The following CADPS2 variants were observed in gnomAD, a reference collection of about 807,000 sequenced individuals.
CADPS2 encodes calcium dependent secretion activator 2.
CADPS2 carries 93 observed loss-of-function variants against 172.5 expected under a neutral mutation model. That is an observed-to-expected ratio of 0.54 (90% confidence interval 0.46 to 0.64). CADPS2 has a LOEUF of 0.64. Ranked by LOEUF, CADPS2 falls within the 30% of genes least tolerant of loss-of-function variation. The probability of loss-of-function intolerance (pLI) is 0.00; values close to 1 mark genes in which losing one functional copy is unlikely to be tolerated. For missense variants in CADPS2, 1,420 were observed against 1,565.9 expected, an observed-to-expected ratio of 0.91 and a Z score of 1.57; for synonymous variants, 546 against 555.2, an observed-to-expected ratio of 0.98 and a Z score of 0.23.
chr7:122,815,464 T>C (rs192306690), intron 1 of CADPS2, among the ~76,000 whole-genome samples: 38 of 152,018 alleles, frequency 2.5e-4, no homozygotes, highest in African/African-American at 7.7e-4. Flanking sequence ...TAACAAAAGA[T>C]CAAAACATTA....
At chr7:122,641,355 T>C (rs1455610743) in intron 3 of CADPS2, among the ~76,000 whole-genome samples, 1 of 152,226 alleles carries the variant, frequency 6.6e-6, no homozygotes, top group Non-Finnish European at 1.5e-5. Context: ...TCCTGTTCAT[T>C]ACACAGGGAT....
At chr7:122,330,695 A>G (rs1378421876) in intron 28 of CADPS2, 2 of 152,244 alleles carry the variant, frequency 1.3e-5, no homozygotes, top group African/African-American at 4.8e-5. Context: ...AACCCAACCT[A>G]TGCCAATCAA....
At chr7:122,558,944 T>C (rs2065370338) in intron 7 of CADPS2, among the ~76,000 whole-genome samples, 1 of 151,992 alleles carries the variant, frequency 6.6e-6, no homozygotes, top group African/African-American at 2.4e-5. Flanking sequence ...GGAGACAAGC[T>C]AGAAAAACAG....
At chr7:122,685,319 C>T (rs1019014774) in intron 2 of CADPS2, among the ~76,000 whole-genome samples, 7 of 152,192 alleles carry the variant, frequency 4.6e-5, no homozygotes, top group African/African-American at 1.7e-4. Context: ...TGGCAATGCT[C>T]TCCCTGTAGC....
At chr7:122,766,504 C>CA (rs2093555622) in intron 1 of CADPS2, among the ~76,000 whole-genome samples, 1 of 152,074 alleles carries the variant, frequency 6.6e-6, no homozygotes, top group Admixed American at 6.6e-5. Context: ...ACCTGTTACC[C>CA]AGCCCTAAAA....
chr7:122,763,468 G>A (rs956148787), intron 1 of CADPS2, among the ~76,000 whole-genome samples: 2 of 152,108 alleles, frequency 1.3e-5, no homozygotes, highest in African/African-American at 2.4e-5. Flanking sequence ...TTTGTTAGAA[G>A]AAACAGAGAA....
intron 27 of CADPS2, among the ~76,000 whole-genome samples, chr7:122,353,710 C>T (rs2038987001): frequency 6.6e-6 from 1 of 152,304 alleles, no homozygotes; most frequent in South Asian, 2.1e-4. Flanking sequence ...CCTTTAATGT[C>T]ATCTTGTCCT....
At chr7:122,543,823 A>T (rs1470947259) in intron 8 of CADPS2, among the ~76,000 whole-genome samples, 3 of 152,174 alleles carry the variant, frequency 2.0e-5, no homozygotes, top group Non-Finnish European at 4.4e-5. Flanking sequence ...AAGCATTTGG[A>T]CTAAGTAATG....
At chr7:122,621,005 C>A (rs988326456) in intron 5 of CADPS2, among the ~76,000 whole-genome samples, 2 of 152,060 alleles carry the variant, frequency 1.3e-5, no homozygotes, top group Non-Finnish European at 2.9e-5. Flanking sequence ...CTCCTGGGCT[C>A]AAGCAATCCT....
chr7:122,645,318 TACATGTAC>T lies in CADPS2; in HGVS notation c.787-15998_787-15991del, dbSNP rs1452935838. 1.5e-4 allele frequency among the ~76,000 whole-genome samples: 18 copies of T among 121,358 alleles called. 1 individual carries two copies. Among genetic ancestry groups the T allele is most frequent in the Admixed American group, 2.4e-4 (3 of 12,314 alleles). 79.6% of individuals were successfully genotyped at this position (121,358 alleles called of 152,430 possible). A position where few individuals can be genotyped will look rare whatever the true frequency, so the allele number is the denominator to read the frequency against. ...ATATACACATATGTACATGTGTGTA[TACATGTAC>T]ATATATACACACATGTACATGTGTG... On this transcript the variant is annotated intron_variant, in intron 3 of 29. Coordinates refer to ENST00000449022, the MANE Select transcript of CADPS2 (RefSeq NM_017954.11).
chr7:122,754,577 G>C (rs2093081885), intron 1 of CADPS2, among the ~76,000 whole-genome samples: 1 of 152,036 alleles, frequency 6.6e-6, no homozygotes, highest in African/African-American at 2.4e-5. Context: ...CCCAGGTTCA[G>C]TTGAGTCTCC....
intron 27 of CADPS2, among the ~76,000 whole-genome samples, chr7:122,359,016 C>G (rs1475859443): frequency 6.6e-6 from 1 of 152,012 alleles, no homozygotes; most frequent in Non-Finnish European, 1.5e-5. Context: ...TATTGTGAAC[C>G]ATTTGAGGGC....
rs190896475 is a variant in CADPS2, at chr7:122,672,316, T to C, written c.454-8747A>G. 2.2e-3 allele frequency among the ~76,000 whole-genome samples: 329 copies of C among 152,282 alleles called. 1 individual carries two copies. Among genetic ancestry groups the C allele is most frequent in the African/African-American group, 7.8e-3 (324 of 41,542 alleles). ...AGAGCTGGTCTCCAGGCGTCGGTGGTCACCCTCCAACTTTCTGCTGTGGGA... is the reference window on the plus strand; with the variant it reads ...AGAGCTGGTCTCCAGGCGTCGGTGGCCACCCTCCAACTTTCTGCTGTGGGA... On this transcript the variant is annotated intron_variant, in intron 2 of 29. Coordinates refer to ENST00000449022, the MANE Select transcript of CADPS2 (RefSeq NM_017954.11).
At chr7:122,416,259 T>C (rs1362380287) in intron 17 of CADPS2, 95 bp from the exon 18 acceptor site, 1 of 528,332 alleles carries the variant, frequency 1.9e-6, no homozygotes, top group Non-Finnish European at 3.1e-6. Context: ...TGAAATAGAA[T>C]GAGAAATAAG....
chr7:122,496,439 G>A (rs2130106999), intron 9 of CADPS2, among the ~76,000 whole-genome samples: 1 of 152,178 alleles, frequency 6.6e-6, no homozygotes, highest in East Asian at 1.9e-4. Context: ...CTGGGATTAT[G>A]GCATGAGTCA....
At chr7:122,361,153 GTGA>G (rs2040070091) in intron 25 of CADPS2, 140 bp from the exon 26 acceptor site, 2 of 621,564 alleles carry the variant, frequency 3.2e-6, no homozygotes, top group Admixed American at 5.6e-5. Flanking sequence ...AGACTAACTT[GTGA>G]TGTTTACTCT....
At position 122,729,370 on chromosome 7, in the gene CADPS2, T is replaced by A. The variant is rs73222407; in HGVS notation, c.453+7585A>T. On this transcript the variant is annotated intron_variant, in intron 2 of 29. Coordinates refer to ENST00000449022, the MANE Select transcript of CADPS2 (RefSeq NM_017954.11). ...TTTTGACATATTGATTTAATTTCCT[T>A]TGGATAAATACCAAGTAATGAGATT... 6.5e-3 allele frequency among the ~76,000 whole-genome samples: 995 copies of A among 151,910 alleles called. 6 individuals carry two copies. Among genetic ancestry groups the A allele is most frequent in the Middle Eastern group, 0.01 (3 of 294 alleles).
chr7:122,558,448 C>T (rs1409693142), intron 7 of CADPS2, among the ~76,000 whole-genome samples: 5 of 152,052 alleles, frequency 3.3e-5, no homozygotes, highest in Non-Finnish European at 7.4e-5. Flanking sequence ...TGCATTTCTG[C>T]TTCTTCTCAT....
intron 8 of CADPS2, among the ~76,000 whole-genome samples, chr7:122,543,111 GA>G (rs2063270570): frequency 6.6e-6 from 1 of 151,798 alleles, no homozygotes; most frequent in South Asian, 2.1e-4. Flanking sequence ...GGATATTTTG[GA>G]AACAGCTTCA....
Sources: allele counts gnomAD v4.1 joint callset (sites outside exome capture counted in the v4.1 genomes callset), GRCh38; gene constraint gnomAD v4.1.1; transcripts MANE v1.5; gene names NCBI Gene and HGNC (gene_info 2026-07-23, HGNC 2026-07-21).